Variants in RPTOR observed in about 807,000 individuals in gnomAD.
RPTOR encodes regulatory-associated protein of mTOR.
A neutral mutation model predicts 169.9 loss-of-function variants in RPTOR; 21 were observed. The observed-to-expected ratio is 0.12, with a 90% CI of 0.09 to 0.18. RPTOR has a LOEUF of 0.18. Among genes scored for constraint, RPTOR ranks in the 10% least tolerant of loss-of-function variants. The pLI, the probability that RPTOR is intolerant of heterozygous loss-of-function variation, is 1.00. For missense variants in RPTOR, 1,133 were observed against 1,855.9 expected (o/e 0.61, Z 7.16); for synonymous variants, 732 against 753.2 (o/e 0.97, Z 0.46).
At chr17:80,635,973 A>G (rs1317785837) in intron 2 of RPTOR, among the ~76,000 whole-genome samples, 1 of 152,154 alleles carries the variant, frequency 6.6e-6, no homozygotes, top group Non-Finnish European at 1.5e-5. Flanking sequence ...CAATCAAATT[A>G]CTTACAAACA....
chr17:80,812,492 A>C (rs941323965), intron 7 of RPTOR, among the ~76,000 whole-genome samples: 5 of 152,110 alleles, frequency 3.3e-5, no homozygotes, highest in African/African-American at 1.2e-4. Context: ...GAGTTTCCCC[A>C]GATCTGCTTC....
intron 3 of RPTOR, among the ~76,000 whole-genome samples, chr17:80,700,613 ATGGTGGTGGTGGTGG>A (rs1567864455): frequency 7.8e-6 from 1 of 128,556 alleles, no homozygotes; most frequent in Admixed American, 7.7e-5. Context: ...GATGATGGTG[ATGGTGGTGGTGGTGG>A]CGGCGATGAT....
chr17:80,838,935 C>A (rs1158370622), intron 10 of RPTOR, among the ~76,000 whole-genome samples: 1 of 152,222 alleles, frequency 6.6e-6, no homozygotes, highest in Admixed American at 6.5e-5. Flanking sequence ...TGGACAGAGC[C>A]CAGCACAGGG....
Position 80,562,142 on chromosome 17 carries a change from A to AGC in RPTOR, c.162+16352_162+16353dup, listed in dbSNP as rs1382162317. Among the ~76,000 whole-genome samples the AGC allele has an allele frequency of 6.6e-6, 1 of 152,096 alleles. No homozygotes were observed. Among genetic ancestry groups the AGC allele is most frequent in the East Asian group, 1.9e-4 (1 of 5,188 alleles). On this transcript the variant is annotated intron_variant, in intron 1 of 33. Transcript: ENST00000306801. The surrounding 1 kb of genome is among the most constrained non-coding windows in gnomAD (Gnocchi z 4.4). ...CCCGGCAGCCCCAAGAGCCCCTGGA[A>AGC]GCAGAATTGCGACCCTTGGTGACTG...
chr17:80,591,926 G>A (rs2065110669), intron 1 of RPTOR, among the ~76,000 whole-genome samples: 1 of 152,148 alleles, frequency 6.6e-6, no homozygotes, highest in African/African-American at 2.4e-5. Flanking sequence ...TGGCTTTGTG[G>A]ATCTTCTTTG....
chr17:80,922,294 G>A (rs2068755197), intron 21 of RPTOR, among the ~76,000 whole-genome samples: 1 of 152,204 alleles, frequency 6.6e-6, no homozygotes, highest in South Asian at 2.1e-4. Flanking sequence ...TGAGGTGTTG[G>A]GGAGAATTGG....
chr17:80,718,001 A>G (rs1392245458), intron 4 of RPTOR, among the ~76,000 whole-genome samples: 1 of 152,198 alleles, frequency 6.6e-6, no homozygotes, highest in Non-Finnish European at 1.5e-5. Flanking sequence ...CTTCTTTGCA[A>G]AAGGAGAAAG....
At chr17:80,765,665 C>T (rs2066779011) in intron 6 of RPTOR, among the ~76,000 whole-genome samples, 1 of 152,110 alleles carries the variant, frequency 6.6e-6, no homozygotes, top group African/African-American at 2.4e-5. Flanking sequence ...TCTGTTGTTC[C>T]GCCTCTCTCT....
rs780370115 is a variant in RPTOR at position 80,883,745 on chromosome 17, G to T, written c.1651-36G>T. 2.5e-6 allele frequency: 4 copies of T among 1,609,590 alleles called. No individual in the cohort carries two copies. The Admixed American group carries it at 6.7e-5, about 27-fold the overall frequency. On this transcript the variant is annotated intron_variant, in intron 15 of 33. Coordinates refer to ENST00000306801, the MANE Select transcript of RPTOR (RefSeq NM_020761.3). ...CCCACCACGTGCCTGCCATTGGCAG[G>T]CAGAGGCCAACCTGTCTGTGGTCCC...
chr17:80,808,183 G>A (rs1020477705), intron 7 of RPTOR, among the ~76,000 whole-genome samples: 3 of 151,864 alleles, frequency 2.0e-5, no homozygotes, highest in African/African-American at 7.3e-5. Flanking sequence ...TCAACACTTT[G>A]GGAGGCTGAG....
intron 3 of RPTOR, among the ~76,000 whole-genome samples, chr17:80,684,224 C>A (rs1326887327): frequency 1.3e-5 from 2 of 152,040 alleles, no homozygotes; most frequent in African/African-American, 2.4e-5. Flanking sequence ...TTGCAGGGCT[C>A]TCTTATCCTT....
At chr17:80,749,798 G>T (rs1397260555) in intron 5 of RPTOR, among the ~76,000 whole-genome samples, 1 of 152,128 alleles carries the variant, frequency 6.6e-6, no homozygotes, top group Non-Finnish European at 1.5e-5. Flanking sequence ...CTGCCACCTT[G>T]AACTCCTGAG....
intron 1 of RPTOR, among the ~76,000 whole-genome samples, chr17:80,594,909 A>T (rs2065133977): frequency 6.6e-6 from 1 of 152,156 alleles, no homozygotes; most frequent in African/African-American, 2.4e-5. Flanking sequence ...TGGCTTATGC[A>T]TATTTCAGAG....
chr17:80,609,766 G>A lies in RPTOR; in HGVS notation c.163-15925G>A, dbSNP rs1460250325. 7.2e-6 allele frequency among the ~76,000 whole-genome samples: 1 copy of A among 138,652 alleles called. No homozygotes were observed. The highest frequency in any genetic ancestry group is 1.6e-5 in the Non-Finnish European group (1 of 63,430). The allele number at this position is 138,652 out of a possible 152,430, so 91.0% of individuals were successfully genotyped here. ...TCTCAAAAAAAAAAAAAAGTTTAAG[G>A]TGTTGGTTGTGTGTGTGTGTGTGTG... On this transcript the variant is annotated intron_variant, in intron 1 of 33. Coordinates refer to ENST00000306801, the MANE Select transcript of RPTOR (RefSeq NM_020761.3). The surrounding 1 kb of genome is among the most constrained non-coding windows in gnomAD (Gnocchi z 4.8).
At chr17:80,581,521 T>C (rs1049784302) in intron 1 of RPTOR, among the ~76,000 whole-genome samples, 1 of 142,492 alleles carries the variant, frequency 7.0e-6, no homozygotes, top group Non-Finnish European at 1.5e-5. Context: ...CCTGCTATTC[T>C]CTGCAGTGGA....
At chr17:80,667,695 T>C (rs936507780) in intron 3 of RPTOR, among the ~76,000 whole-genome samples, 9 of 152,178 alleles carry the variant, frequency 5.9e-5, no homozygotes, top group Non-Finnish European at 4.4e-5. Flanking sequence ...AATGTTAGTA[T>C]TCTTTGTGGT....
At chr17:80,797,289 T>C (rs891579163) in intron 7 of RPTOR, among the ~76,000 whole-genome samples, 3 of 152,186 alleles carry the variant, frequency 2.0e-5, no homozygotes, top group Non-Finnish European at 4.4e-5. Context: ...CATGCCATCA[T>C]GCCTGGCTAA....
intron 21 of RPTOR, among the ~76,000 whole-genome samples, chr17:80,920,919 A>G (rs1193518327): frequency 6.6e-6 from 1 of 152,248 alleles, no homozygotes; most frequent in Non-Finnish European, 1.5e-5. Flanking sequence ...GTATGTGTCT[A>G]GGGCTGGCCG....
intron 6 of RPTOR, among the ~76,000 whole-genome samples, chr17:80,790,108 G>A (rs1284291075): frequency 2.0e-5 from 3 of 152,194 alleles, no homozygotes; most frequent in African/African-American, 7.2e-5. Context: ...CATGGCTGAG[G>A]AGAGCATCTG....
Sources: allele counts gnomAD v4.1 joint callset (sites outside exome capture counted in the v4.1 genomes callset), GRCh38; gene constraint gnomAD v4.1.1; non-coding constraint Gnocchi (gnomAD v3.1); transcripts MANE v1.5; gene names NCBI Gene and HGNC (gene_info 2026-07-23, HGNC 2026-07-21).